UGT2A1: variants seen among roughly 807,000 people sequenced by gnomAD.
The protein encoded by UGT2A1 is UDP-glucuronosyltransferase 2A1.
A neutral mutation model predicts 45.4 loss-of-function variants in UGT2A1; 61 were observed. That is an observed-to-expected ratio of 1.34 (90% confidence interval 1.09 to 1.66). The LOEUF (loss-of-function observed/expected upper bound fraction) is 1.66. Ranked by LOEUF, UGT2A1 falls within the 40% of genes most tolerant of loss-of-function variation. UGT2A1 has a pLI of 0.00. For synonymous variants in UGT2A1, 229 were observed against 196.2 expected (o/e 1.17, Z -1.40); for missense variants, 649 against 574.3 (o/e 1.13, Z -1.33).
intron 3 of UGT2A1, among the ~76,000 whole-genome samples, chr4:69,600,660 C>G (rs746222392): frequency 8.6e-5 from 13 of 152,038 alleles, no homozygotes; most frequent in Non-Finnish European, 1.5e-4. Context: ...CTTATGGTCC[C>G]ATAGGCTGTA....
intron 3 of UGT2A1, among the ~76,000 whole-genome samples, chr4:69,621,859 G>A (rs1161010734): frequency 1.3e-5 from 2 of 151,856 alleles, no homozygotes; most frequent in African/African-American, 4.8e-5. Flanking sequence ...CAGGAACATA[G>A]ATGGAGCTGG....
In UGT2A1 at chr4:69,615,978, T is replaced by C. The variant is rs536731431; in HGVS notation, c.848-16584A>G. Among the ~76,000 whole-genome samples the C allele has an allele frequency of 2.6e-5, 4 of 152,138 alleles. No individual in the cohort carries two copies. The South Asian group carries it at 8.3e-4, about 32-fold the overall frequency. ...ACACCCATGTTTATTGCAGTACTGTTCCCAATAGCCAAGATATGGAATCAA... is the reference window on the plus strand; with the variant it reads ...ACACCCATGTTTATTGCAGTACTGTCCCCAATAGCCAAGATATGGAATCAA... On this transcript the variant is annotated intron_variant, in intron 3 of 6. Transcript: ENST00000286604.
chr4:69,605,636 T>C (rs1719562312), intron 3 of UGT2A1, among the ~76,000 whole-genome samples: 1 of 136,480 alleles, frequency 7.3e-6, no homozygotes, highest in African/African-American at 3.0e-5. Flanking sequence ...ATCCAGGAGC[T>C]GGTTTTTTGA....
At position 69,603,654 on chromosome 4, in the gene UGT2A1, G is replaced by A. The variant is rs577866990; in HGVS notation, c.848-4260C>T. On this transcript the variant is annotated intron_variant, in intron 3 of 6. Transcript: ENST00000286604. ...AAGAAGTTCAAACCCATGGCAAAGA[G>A]GTTAAAAACCTTGAAAAAAAATTAG... The A allele has an allele frequency of 1.1e-4, 15 of 135,786 alleles. 4 individuals carry two copies. The highest frequency in any genetic ancestry group is 1.0e-3 in the Admixed American group (14 of 13,728). The allele number at this position is 135,786 out of a possible 1,614,324, so 8.4% of individuals were successfully genotyped here.
rs988797218 is a variant in UGT2A1, at chr4:69,647,549, A to G, written c.96T>C (p.His32=). Residue 32 remains histidine, a synonymous_variant, in exon 2 of 7, where the codon CAT becomes CAC. Coordinates refer to ENST00000286604, the MANE Select transcript of UGT2A1 (RefSeq NM_001252275.3). ...CTATAATTATCTTAACATTTAGCCA[A>G]TGACTACCTTCCATTGGCCAAATCA... ...NVLIWPMEGS[H]WLNVKIIIDE... is the part of the protein sequence containing the mutation. 3.1e-6 allele frequency: 5 copies of G among 1,612,502 alleles called. No homozygotes were observed. The highest frequency in any genetic ancestry group is 3.3e-5 in the Admixed American group (2 of 59,792).
chr4:69,590,080 G>T (rs1718501467), intron 6 of UGT2A1, among the ~76,000 whole-genome samples: 1 of 152,110 alleles, frequency 6.6e-6, no homozygotes, highest in Admixed American at 6.5e-5. Context: ...AAGGAAATTG[G>T]CAGTCAGCAT....
At position 69,647,671 on chromosome 4, in the gene UGT2A1, T is replaced by G. The variant is rs760169832; in HGVS notation, c.-27A>C. On this transcript the variant is annotated 5_prime_UTR_variant, in exon 2 of 7. Coordinates refer to ENST00000286604, the MANE Select transcript of UGT2A1 (RefSeq NM_001252275.3). ...ATGTGGCTTGATGCAGAAGATTTGA[T>G]GAGATGTGAAGCAAATGTTTTTCTC... The G allele has an allele frequency of 6.9e-6, 10 of 1,445,350 alleles. No individual in the cohort carries two copies. Among genetic ancestry groups the G allele is most frequent in the South Asian group, 2.8e-5 (2 of 71,316 alleles). 89.5% of individuals were successfully genotyped at this position (1,445,350 alleles called of 1,614,324 possible).
intron 3 of UGT2A1, among the ~76,000 whole-genome samples, chr4:69,624,399 T>A (rs10026603): frequency 0.35 from 53,093 of 151,100 alleles, 9,693 homozygotes; most frequent in African/African-American, 0.43. Flanking sequence ...TTGCTTTTTT[T>A]AAAAAAATCC....
rs868326118 is a variant in UGT2A1 at position 69,592,852 on chromosome 4, T to A, written c.1304+1625A>T. Among the ~76,000 whole-genome samples, 7 of 152,226 alleles carry A rather than the reference T, an allele frequency of 4.6e-5. 1 individual carries two copies. Among genetic ancestry groups the A allele is most frequent in the Middle Eastern group, 6.8e-3 (2 of 294 alleles). ...AAAAGAAAAACTGGATAATTTTTTA[T>A]CTTAGATTAACATTGTTGTAAAGAC... On this transcript the variant is annotated intron_variant, in intron 6 of 6. Coordinates refer to ENST00000286604, the MANE Select transcript of UGT2A1 (RefSeq NM_001252275.3).
chr4:69,634,669 A>G (rs188509033), intron 3 of UGT2A1, among the ~76,000 whole-genome samples: 4 of 152,304 alleles, frequency 2.6e-5, no homozygotes, highest in Non-Finnish European at 4.4e-5. Context: ...GAAGAATAAT[A>G]TAATAATTTG....
In UGT2A1 at chr4:69,605,167, G is replaced by T. The variant is rs1719531435; in HGVS notation, c.848-5773C>A. Among the ~76,000 whole-genome samples the T allele has an allele frequency of 1.5e-5, 2 of 136,594 alleles. 1 individual carries two copies. The highest frequency in any genetic ancestry group is 4.8e-4 in the South Asian group (2 of 4,152). 89.6% of individuals were successfully genotyped at this position (136,594 alleles called of 152,430 possible). On this transcript the variant is annotated intron_variant, in intron 3 of 6. Coordinates refer to ENST00000286604, the MANE Select transcript of UGT2A1 (RefSeq NM_001252275.3). ...TTATTCCAAAATTGACCACATAGTT[G>T]GAAGTAAAGCACTCCTCAGCAAATG...
chr4:69,633,138 GC>G (rs1721478659), intron 3 of UGT2A1, among the ~76,000 whole-genome samples: 6 of 152,108 alleles, frequency 3.9e-5, no homozygotes, highest in Admixed American at 3.9e-4. Context: ...CTGGGTAGTG[GC>G]CTTGTTAGAG....
At chr4:69,643,860 A>G (rs1435266975) in intron 2 of UGT2A1, among the ~76,000 whole-genome samples, 1 of 151,650 alleles carries the variant, frequency 6.6e-6, no homozygotes, top group African/African-American at 2.4e-5. Flanking sequence ...TTCAAATTAC[A>G]AATTGGAAAG....
At chr4:69,649,748 T>C (rs1335167778) in intron 1 of UGT2A1, among the ~76,000 whole-genome samples, 1 of 152,042 alleles carries the variant, frequency 6.6e-6, no homozygotes, top group Non-Finnish European at 1.5e-5. Flanking sequence ...TTTTTGGACA[T>C]AATCAGATAA....
chr4:69,607,633 A>T (rs1473781826), intron 3 of UGT2A1, among the ~76,000 whole-genome samples: 1 of 152,178 alleles, frequency 6.6e-6, no homozygotes, highest in Non-Finnish European at 1.5e-5. Flanking sequence ...TGAACAGGCA[A>T]CCTACAGAAT....
At chr4:69,634,061 T>C (rs978126331) in intron 3 of UGT2A1, among the ~76,000 whole-genome samples, 3 of 151,856 alleles carry the variant, frequency 2.0e-5, no homozygotes, top group Admixed American at 6.6e-5. Context: ...CTGGCTAACA[T>C]GGTGAAACCC....
chr4:69,652,945 C>A (rs1366944921), intron 1 of UGT2A1, among the ~76,000 whole-genome samples: 1 of 152,180 alleles, frequency 6.6e-6, no homozygotes, highest in Non-Finnish European at 1.5e-5. Context: ...ACAAAACTCT[C>A]AACTTACTGC....
chr4:69,627,522 A>C (rs538291547), intron 3 of UGT2A1, among the ~76,000 whole-genome samples: 1 of 123,312 alleles, frequency 8.1e-6, no homozygotes, highest in South Asian at 2.7e-4. Flanking sequence ...AGAAAGAAAG[A>C]AGAAAGAAAG....
intron 3 of UGT2A1, among the ~76,000 whole-genome samples, chr4:69,600,022 T>A (rs890055466): frequency 2.6e-5 from 4 of 152,138 alleles, no homozygotes; most frequent in Non-Finnish European, 5.9e-5. Context: ...TGAATTTGTT[T>A]ACAAGAAGCA....
Sources: gnomAD v4.1 joint callset for allele counts (sites outside exome capture counted in the v4.1 genomes callset) on GRCh38, gnomAD v4.1.1 for gene constraint, MANE v1.5 for transcripts, NCBI Gene and HGNC (gene_info 2026-07-23, HGNC 2026-07-21) for gene names.